The following ZRANB3 variants were observed in gnomAD, a reference collection of about 807,000 sequenced individuals.
ZRANB3 encodes the protein zinc finger RANBP2-type containing 3, also known as DNA annealing helicase and endonuclease ZRANB3.
Under a neutral mutation model 133.8 loss-of-function variants are expected in ZRANB3, and 125 were observed. The observed-to-expected ratio is 0.93, with a 90% CI of 0.81 to 1.08. The LOEUF (loss-of-function observed/expected upper bound fraction) is 1.08. ZRANB3 is among the 50% of genes least tolerant of loss of function. The pLI is 0.00. For missense variants in ZRANB3, 1,229 were observed against 1,275.5 expected, an observed-to-expected ratio of 0.96 and a Z score of 0.56; for synonymous variants, 387 against 432.7, an observed-to-expected ratio of 0.89 and a Z score of 1.31.
At chr2:135,468,301 A>G (rs1178404336) in intron 2 of ZRANB3, among the ~76,000 whole-genome samples, 1 of 152,206 alleles carries the variant, frequency 6.6e-6, no homozygotes, top group African/African-American at 2.4e-5. Context: ...ACCTGAAATG[A>G]CCTCATAAAA....
chr2:135,283,222 C>T (rs1282005333), intron 8 of ZRANB3, among the ~76,000 whole-genome samples: 3 of 152,092 alleles, frequency 2.0e-5, no homozygotes, highest in Non-Finnish European at 4.4e-5. Context: ...GAGGTTGAGG[C>T]TGCAGTGAGC....
intron 8 of ZRANB3, among the ~76,000 whole-genome samples, chr2:135,293,143 TA>T (rs1681851441): frequency 6.6e-6 from 1 of 152,226 alleles, no homozygotes; most frequent in Admixed American, 6.5e-5. Context: ...AAGTCATTAG[TA>T]GCTTGATGGG....
At chr2:135,358,746 A>G (rs1443003175) in intron 3 of ZRANB3, among the ~76,000 whole-genome samples, 1 of 152,204 alleles carries the variant, frequency 6.6e-6, no homozygotes. Flanking sequence ...AAGCAATGGA[A>G]GCAAACAGAA....
At chr2:135,528,018 G>A (rs191171233) in intron 1 of ZRANB3, among the ~76,000 whole-genome samples, 87 of 152,290 alleles carry the variant, frequency 5.7e-4, no homozygotes, top group Non-Finnish European at 9.3e-4. Context: ...TCTGGCACAC[G>A]TTGAAGGATT....
intron 2 of ZRANB3, among the ~76,000 whole-genome samples, chr2:135,455,654 C>T (rs796124576): frequency 8.2e-5 from 12 of 146,244 alleles, no homozygotes; most frequent in African/African-American, 3.1e-4. Flanking sequence ...TGCAGTGGCG[C>T]GATCTCGGCT....
At chr2:135,326,654 C>T (rs1406379508) in intron 6 of ZRANB3, among the ~76,000 whole-genome samples, 1 of 151,864 alleles carries the variant, frequency 6.6e-6, no homozygotes, top group Non-Finnish European at 1.5e-5. Flanking sequence ...GTAATCCCAG[C>T]ACTTTGGGAG....
chr2:135,321,947 A>T (rs1194859372), intron 6 of ZRANB3, among the ~76,000 whole-genome samples: 1 of 152,134 alleles, frequency 6.6e-6, no homozygotes, highest in Non-Finnish European at 1.5e-5. Flanking sequence ...GGTGAAATTC[A>T]TCACTTTTGT....
chr2:135,342,716 A>C (rs1684734115), intron 6 of ZRANB3, among the ~76,000 whole-genome samples: 1 of 149,452 alleles, frequency 6.7e-6, no homozygotes, highest in African/African-American at 2.6e-5. Context: ...GAGTACAGGT[A>C]AGCTGTGGTA....
At chr2:135,471,359 G>C (rs7578127) in intron 2 of ZRANB3, among the ~76,000 whole-genome samples, 40,524 of 151,900 alleles carry the variant, frequency 0.27, 9,037 homozygotes, top group African/African-American at 0.6. Flanking sequence ...TCAGCAATAA[G>C]ATCTTACCAT....
intron 3 of ZRANB3, among the ~76,000 whole-genome samples, chr2:135,389,156 TTC>T: frequency 6.6e-6 from 1 of 152,258 alleles, no homozygotes; most frequent in South Asian, 2.1e-4. Flanking sequence ...AAAGAAAAAT[TTC>T]TGTTTATTGT....
At chr2:135,246,039 CTT>C (rs569950745) in intron 12 of ZRANB3, among the ~76,000 whole-genome samples, 8 of 100,422 alleles carry the variant, frequency 8.0e-5, no homozygotes, top group South Asian at 3.4e-4. Context: ...TTCTTTCTTT[CTT>C]TTTTTTTTTT....
At chr2:135,480,708 C>T (rs1178323647) in intron 2 of ZRANB3, among the ~76,000 whole-genome samples, 1 of 149,886 alleles carries the variant, frequency 6.7e-6, no homozygotes, top group Non-Finnish European at 1.5e-5. Context: ...TGTTGTGCTG[C>T]ACCCACTAAC....
intron 2 of ZRANB3, among the ~76,000 whole-genome samples, chr2:135,421,429 A>G (rs142409585): frequency 4.2e-4 from 64 of 152,318 alleles, no homozygotes; most frequent in African/African-American, 1.5e-3. Flanking sequence ...TCCTTTTACA[A>G]AGTAGACTTC....
chr2:135,372,562 C>T (rs1339066141), intron 3 of ZRANB3, among the ~76,000 whole-genome samples: 2 of 152,058 alleles, frequency 1.3e-5, no homozygotes, highest in South Asian at 2.1e-4. Context: ...CTTTGGGAGG[C>T]GGATCATGAG....
intron 3 of ZRANB3, among the ~76,000 whole-genome samples, chr2:135,368,545 G>T (rs916657852): frequency 2.0e-5 from 3 of 151,860 alleles, no homozygotes; most frequent in African/African-American, 7.2e-5. Context: ...GTAGTAAATG[G>T]TAGGAATCAA....
chr2:135,373,175 A>G (rs151014470), intron 3 of ZRANB3, among the ~76,000 whole-genome samples: 3 of 152,332 alleles, frequency 2.0e-5, no homozygotes, highest in East Asian at 3.9e-4. Context: ...TAAAGAATAA[A>G]TTAATAAAAA....
chr2:135,460,264 CTTTTT>C (rs34897781), intron 2 of ZRANB3, among the ~76,000 whole-genome samples: 1 of 145,034 alleles, frequency 6.9e-6, no homozygotes, highest in Admixed American at 7.0e-5. Context: ...AAACAGCTAA[CTTTTT>C]TTTTTTTTGA....
At chr2:135,265,395 C>T in intron 12 of ZRANB3, 139 bp downstream of exon 12, 1 of 946,358 alleles carries the variant, frequency 1.1e-6, no homozygotes, top group Non-Finnish European at 1.5e-6. Context: ...ATTTTTGGCT[C>T]TAAGAGGGTT....
At chr2:135,237,885 T>G (rs1695370371) in intron 12 of ZRANB3, among the ~76,000 whole-genome samples, 2 of 152,168 alleles carry the variant, frequency 1.3e-5, no homozygotes, top group Admixed American at 1.3e-4. Flanking sequence ...GGCACATGTA[T>G]ACATATGTAA....
Sources: allele counts gnomAD v4.1 joint callset (sites outside exome capture counted in the v4.1 genomes callset), GRCh38; gene constraint gnomAD v4.1.1; transcripts MANE v1.5; gene names NCBI Gene and HGNC (gene_info 2026-07-23, HGNC 2026-07-21).